The following PARD3B variants were observed in gnomAD, a reference collection of about 807,000 sequenced individuals.
PARD3B encodes par-3 family cell polarity regulator beta.
Under a neutral mutation model 130.2 loss-of-function variants are expected in PARD3B, and 103 were observed. That is an observed-to-expected ratio of 0.79 (90% confidence interval 0.67 to 0.93). PARD3B has a LOEUF of 0.93. Ranked by LOEUF, PARD3B falls within the 40% of genes least tolerant of loss-of-function variation. The pLI is 0.00. For missense variants in PARD3B, 1,609 were observed against 1,499.2 expected (o/e 1.07, Z -1.21); for synonymous variants, 583 against 553.2 (o/e 1.05, Z -0.76).
In PARD3B at chr2:205,525,979, G is replaced by A. The variant is rs1326756118; in HGVS notation, c.3180+25948G>A. On this transcript the variant is annotated intron_variant, in intron 21 of 22. Coordinates refer to ENST00000406610, the MANE Select transcript of PARD3B (RefSeq NM_001302769.2). This position sits in a 1 kb window ranked among gnomAD's most constrained non-coding sequence, Gnocchi z 4.2. ...CCACCCTGCCCTTGCTTCTCGCAGG[G>A]TCTGGGGCTCCATGTCCTTATCAGT... Among the ~76,000 whole-genome samples the A allele has an allele frequency of 1.3e-5, 2 of 152,224 alleles. No individual in the cohort carries two copies. The highest frequency in any genetic ancestry group is 6.5e-5 in the Admixed American group (1 of 15,276).
In PARD3B at chr2:204,932,659, T is replaced by G. The variant is rs1026047200; in HGVS notation, c.223-32493T>G. Among the ~76,000 whole-genome samples the G allele has an allele frequency of 2.0e-5, 3 of 152,208 alleles. No individual in the cohort carries two copies. The South Asian group carries it at 6.2e-4, about 31-fold the overall frequency. On this transcript the variant is annotated intron_variant, in intron 2 of 22. Coordinates refer to ENST00000406610, the MANE Select transcript of PARD3B (RefSeq NM_001302769.2). ...GTGTTTTTGATTAACGTAATAAACA[T>G]TCTTTGGAAGTAAATGTGTCTAGGA...
chr2:205,400,370 G>A (rs1367283976), intron 18 of PARD3B, among the ~76,000 whole-genome samples: 1 of 152,176 alleles, frequency 6.6e-6, no homozygotes, highest in Non-Finnish European at 1.5e-5. Flanking sequence ...AGTCCTGGCA[G>A]TAGCTTACAT....
chr2:205,512,560 T>C (rs1463577792), intron 21 of PARD3B, among the ~76,000 whole-genome samples: 2 of 152,180 alleles, frequency 1.3e-5, no homozygotes, highest in African/African-American at 2.4e-5. Flanking sequence ...TTTTCTGCAA[T>C]TTTCCATTCC....
In PARD3B at chr2:204,968,032, G is replaced by A. The variant is rs1439473224; in HGVS notation, c.394+2709G>A. ...CATCTCCCTTCCCCAGTCAGCTAGT[G>A]TAGCCATTGGAACTGGTTGTACTTT... On this transcript the variant is annotated intron_variant, in intron 3 of 22. Coordinates refer to ENST00000406610, the MANE Select transcript of PARD3B (RefSeq NM_001302769.2). Among the ~76,000 whole-genome samples, 3 of 152,096 alleles carry A rather than the reference G, an allele frequency of 2.0e-5. No homozygotes were observed. In the East Asian group the frequency reaches 5.8e-4, roughly 29 times the overall value.
intron 19 of PARD3B, among the ~76,000 whole-genome samples, chr2:205,402,246 G>T (rs2046277766): frequency 6.6e-6 from 1 of 152,160 alleles, no homozygotes; most frequent in Admixed American, 6.6e-5. Context: ...GTTTTACATT[G>T]TTGTTGACTA....
chr2:204,706,449 GAAAAAAGTCA>G (rs2038164396), intron 2 of PARD3B, among the ~76,000 whole-genome samples: 1 of 151,972 alleles, frequency 6.6e-6, no homozygotes, highest in Non-Finnish European at 1.5e-5. Context: ...ACAGTGGGGA[GAAAAAAGTCA>G]AAATGCCAGT....
intron 22 of PARD3B, among the ~76,000 whole-genome samples, chr2:205,576,835 T>C (rs2106559978): frequency 6.6e-6 from 1 of 152,298 alleles, no homozygotes; most frequent in South Asian, 2.1e-4. Flanking sequence ...CAAAAAAGAC[T>C]TTCTCTGTTT....
At chr2:205,243,519 C>T (rs1314059772) in intron 15 of PARD3B, among the ~76,000 whole-genome samples, 2 of 152,158 alleles carry the variant, frequency 1.3e-5, no homozygotes, top group Non-Finnish European at 2.9e-5. Context: ...TTAGCTTGAA[C>T]CCATCAGAAT....
intron 21 of PARD3B, among the ~76,000 whole-genome samples, chr2:205,536,820 C>A (rs1461291914): frequency 6.6e-6 from 1 of 152,116 alleles, no homozygotes; most frequent in African/African-American, 2.4e-5. Context: ...CAGGTCAGTG[C>A]CCCTGGGGAT....
chr2:205,070,827 C>A (rs1427641440), intron 4 of PARD3B, among the ~76,000 whole-genome samples: 3 of 152,094 alleles, frequency 2.0e-5, no homozygotes. Flanking sequence ...ATTTTTATAA[C>A]TAACAATTTT....
intron 15 of PARD3B, among the ~76,000 whole-genome samples, chr2:205,233,585 T>G (rs2038937371): frequency 6.6e-6 from 1 of 152,142 alleles, no homozygotes; most frequent in Non-Finnish European, 1.5e-5. Flanking sequence ...ACAGAGGCTG[T>G]GAGGGGAGAC....
At chr2:205,038,693 G>A (rs1009791624) in intron 3 of PARD3B, among the ~76,000 whole-genome samples, 2 of 152,174 alleles carry the variant, frequency 1.3e-5, no homozygotes, top group African/African-American at 4.8e-5. Flanking sequence ...GCTTTATCAT[G>A]CGTGTGCTTA....
At position 204,962,261 on chromosome 2, in the gene PARD3B, C is replaced by T. The variant is rs528445699; in HGVS notation, c.223-2891C>T. 7.9e-5 allele frequency among the ~76,000 whole-genome samples: 12 copies of T among 152,106 alleles called. No homozygotes were observed. The South Asian group carries it at 2.3e-3, about 29-fold the overall frequency. ...TCATAGAAGGAGACTGGAGGGCAGA[C>T]CAGAAGGAGAGAGAAGGCAGCAGAG... is the stretch of plus-strand genomic sequence containing the variant. On this transcript the variant is annotated intron_variant, in intron 2 of 22. Transcript: ENST00000406610.
At chr2:205,555,593 G>A (rs149188950) in intron 22 of PARD3B, among the ~76,000 whole-genome samples, 541 of 152,228 alleles carry the variant, frequency 3.6e-3, no homozygotes, top group Non-Finnish European at 5.1e-3. Flanking sequence ...CTTTATGAAT[G>A]TATGAATTGA....
At chr2:205,315,327 C>T (rs1242069674) in intron 18 of PARD3B, among the ~76,000 whole-genome samples, 2 of 152,054 alleles carry the variant, frequency 1.3e-5, no homozygotes, top group Non-Finnish European at 2.9e-5. Flanking sequence ...ATAGAGTGGC[C>T]CCGAGACTAA....
At chr2:204,921,613 C>A (rs1440197028) in intron 2 of PARD3B, among the ~76,000 whole-genome samples, 1 of 152,038 alleles carries the variant, frequency 6.6e-6, no homozygotes, top group Admixed American at 6.6e-5. Flanking sequence ...AGCAGTTATC[C>A]ATTTTGGTGG....
At chr2:205,192,475 G>A (rs1382736426) in intron 14 of PARD3B, among the ~76,000 whole-genome samples, 2 of 152,036 alleles carry the variant, frequency 1.3e-5, no homozygotes, top group Non-Finnish European at 2.9e-5. Context: ...TCTAAAACAA[G>A]AACTAAGTCA....
chr2:205,202,168 G>A (rs944298542), intron 15 of PARD3B, among the ~76,000 whole-genome samples: 1 of 152,152 alleles, frequency 6.6e-6, no homozygotes, highest in African/African-American at 2.4e-5. Context: ...TACATTTAAA[G>A]TGAATTATAG....
intron 15 of PARD3B, among the ~76,000 whole-genome samples, chr2:205,201,392 T>C (rs567069899): frequency 6.6e-6 from 1 of 152,286 alleles, no homozygotes; most frequent in East Asian, 1.9e-4. Flanking sequence ...AGGAAAAATA[T>C]ATAAATTAAA....
Sources: gnomAD v4.1 joint callset for allele counts (sites outside exome capture counted in the v4.1 genomes callset) on GRCh38, gnomAD v4.1.1 for gene constraint, Gnocchi (gnomAD v3.1) non-coding constraint, MANE v1.5 for transcripts, NCBI Gene and HGNC (gene_info 2026-07-23, HGNC 2026-07-21) for gene names.